Variants in PGM1 observed in about 807,000 individuals in gnomAD.
The protein encoded by PGM1 is phosphoglucomutase-1.
In PGM1, 52 loss-of-function variants were observed where a neutral mutation model predicts 55.6. The ratio of observed to expected loss-of-function variants is 0.94; its 90% CI spans 0.75 to 1.18. The LOEUF (loss-of-function observed/expected upper bound fraction) is 1.18. Among genes scored for constraint, PGM1 ranks in the 50% most tolerant of loss-of-function variants. The probability of loss-of-function intolerance (pLI) is 0.00; values close to 1 mark genes in which losing one functional copy is unlikely to be tolerated. For missense variants in PGM1, 724 were observed against 729.3 expected (o/e 0.99, Z 0.08); for synonymous variants, 287 against 271.7 (o/e 1.06, Z -0.55).
chr1:63,652,731 G>T (rs187003178), intron 9 of PGM1, among the ~76,000 whole-genome samples: 54 of 152,302 alleles, frequency 3.5e-4, no homozygotes, highest in African/African-American at 1.3e-3. Context: ...GGGCCGGGCC[G>T]TGGGATTTAC....
chr1:63,607,652 G>C (rs1017062822), intron 1 of PGM1, among the ~76,000 whole-genome samples: 3 of 152,178 alleles, frequency 2.0e-5, no homozygotes, highest in Non-Finnish European at 4.4e-5. Context: ...TTTCGTGAGG[G>C]TAAGCAATCA....
Position 63,647,292 on chromosome 1 carries a change from A to G in PGM1, c.1145-1225A>G, listed in dbSNP as rs866256520. On this transcript the variant is annotated intron_variant, in intron 7 of 10. Transcript: ENST00000371084. The stretch of plus-strand genomic sequence containing the variant: ...TATATATATATATATATATATATAT[A>G]TATATATATATATATAGTATTAAAC... Among the ~76,000 whole-genome samples, 52 of 75,500 alleles carry G rather than the reference A, an allele frequency of 6.9e-4. 5 individuals carry two copies. In the South Asian group the frequency reaches 0.016, roughly 23 times the overall value. The allele number at this position is 75,500 out of a possible 152,430, so 49.5% of individuals were successfully genotyped here.
At chr1:63,647,275 T>TAC (rs1649677334) in intron 7 of PGM1, among the ~76,000 whole-genome samples, 1 of 46,314 alleles carries the variant, frequency 2.2e-5, no homozygotes, top group African/African-American at 2.1e-4. Flanking sequence ...TATATATATA[T>TAC]ATATATATAT....
intron 1 of PGM1, among the ~76,000 whole-genome samples, chr1:63,625,069 A>AT (rs1273679961): frequency 6.6e-6 from 1 of 152,216 alleles, no homozygotes; most frequent in Non-Finnish European, 1.5e-5. Flanking sequence ...GAGGGAACGA[A>AT]TGGAACATTA....
intron 10 of PGM1, among the ~76,000 whole-genome samples, chr1:63,655,442 A>G (rs1649936105): frequency 6.6e-6 from 1 of 152,202 alleles, no homozygotes. Context: ...TTCACAGAAC[A>G]GTCTGCAGAC....
intron 10 of PGM1, chr1:63,655,691 A>G (rs1649944730): frequency 6.6e-6 from 1 of 152,282 alleles, no homozygotes. Context: ...GTGTTGTGGT[A>G]TATTAGCCCC....
At chr1:63,653,365 C>T (rs1238148029) in intron 9 of PGM1, among the ~76,000 whole-genome samples, 4 of 152,120 alleles carry the variant, frequency 2.6e-5, no homozygotes, top group African/African-American at 9.7e-5. Flanking sequence ...GAAAATGGAC[C>T]GTATCCTTCC....
intron 1 of PGM1, among the ~76,000 whole-genome samples, chr1:63,619,868 A>G (rs1648837969): frequency 6.6e-6 from 1 of 152,190 alleles, no homozygotes; most frequent in Non-Finnish European, 1.5e-5. Context: ...CCCACTCAGA[A>G]TGTGAGAAAA....
intron 9 of PGM1, among the ~76,000 whole-genome samples, chr1:63,653,500 A>G (rs1162260872): frequency 3.3e-5 from 5 of 152,168 alleles, no homozygotes; most frequent in Admixed American, 6.5e-5. Context: ...GAAGAGCAGC[A>G]TCTTTTTGGT....
intron 1 of PGM1, among the ~76,000 whole-genome samples, chr1:63,611,732 G>C (rs1648571628): frequency 6.6e-6 from 1 of 152,108 alleles, no homozygotes; most frequent in Non-Finnish European, 1.5e-5. Context: ...GTGAAACCCT[G>C]TCTTTACTAA....
In PGM1 at chr1:63,596,314, A is replaced by T. The variant is rs147737523; in HGVS notation, c.246+2580A>T. Among the ~76,000 whole-genome samples the T allele has an allele frequency of 7.0e-3, 921 of 130,900 alleles. 9 individuals carry two copies. The highest frequency in any genetic ancestry group is 0.026 in the African/African-American group (864 of 33,644). 85.9% of individuals were successfully genotyped at this position (130,900 alleles called of 152,430 possible). On this transcript the variant is annotated intron_variant, in intron 1 of 10. Transcript: ENST00000371084. ...TACTCTGTCGCCTAGGCTGGAGTGC[A>T]GTGGCGCAATCAGCTCACTGCAACC... is the stretch of plus-strand genomic sequence containing the variant.
chr1:63,633,753 C>T (rs112793310), intron 4 of PGM1, among the ~76,000 whole-genome samples: 2,607 of 150,588 alleles, frequency 0.017, 73 homozygotes, highest in African/African-American at 0.06. Context: ...CTGTAACCTC[C>T]GCCTCCGAAG....
At position 63,651,827 on chromosome 1, in the gene PGM1, T is replaced by C; in HGVS notation, c.1439T>C (p.Val480Ala). ...GATAACTTTGAATACAGCGACCCAG[T>C]GGATGGAAGCATTTCAAGAAATCAG... is the stretch of plus-strand genomic sequence containing the variant. ...KADNFEYSDP[V>A]DGSISRNQGL... is the part of the protein sequence containing the mutation. Residue 480 changes from valine (V) to alanine (A), a missense_variant, in exon 9 of 11, where the codon GTG becomes GCG. Physicochemically the swap from Val to Ala is moderately conservative, Grantham distance 64. Transcript: ENST00000371084. The C allele has an allele frequency of 6.2e-7, 1 of 1,613,984 alleles. No homozygotes were observed. The highest frequency in any genetic ancestry group is 8.5e-7 in the Non-Finnish European group (1 of 1,179,950).
chr1:63,599,004 A>G (rs537641793), intron 1 of PGM1, among the ~76,000 whole-genome samples: 4 of 152,344 alleles, frequency 2.6e-5, no homozygotes, highest in East Asian at 1.9e-4. Context: ...GTTTCTGGCT[A>G]TAGCAGTTCA....
At chr1:63,646,568 C>T (rs1017784200) in intron 7 of PGM1, among the ~76,000 whole-genome samples, 1 of 152,038 alleles carries the variant, frequency 6.6e-6, no homozygotes, top group African/African-American at 2.4e-5. Flanking sequence ...TGAGTAGGTC[C>T]AATTTGAAGG....
At chr1:63,597,138 CTT>C (rs1338351364) in intron 1 of PGM1, among the ~76,000 whole-genome samples, 4 of 152,002 alleles carry the variant, frequency 2.6e-5, no homozygotes, top group African/African-American at 9.7e-5. Flanking sequence ...GTGCAGGTGT[CTT>C]TAACCTGAGG....
intron 1 of PGM1, among the ~76,000 whole-genome samples, chr1:63,596,411 C>G (rs1337040440): frequency 2.6e-5 from 4 of 151,894 alleles, no homozygotes; most frequent in Non-Finnish European, 5.9e-5. Context: ...CATGCACCAC[C>G]ACACCTGGCT....
At chr1:63,631,865 GC>G in intron 4 of PGM1, 83 bp downstream of exon 4, 2 of 1,323,688 alleles carry the variant, frequency 1.5e-6, no homozygotes, top group Non-Finnish European at 2.2e-6. Flanking sequence ...GCTTCAACAA[GC>G]CTTTTCTCAA....
At chr1:63,642,991 A>G (rs1283045355) in intron 7 of PGM1, among the ~76,000 whole-genome samples, 2 of 152,172 alleles carry the variant, frequency 1.3e-5, no homozygotes, top group East Asian at 3.9e-4. Flanking sequence ...GTGCAAAGCA[A>G]TAGAAGGTGA....
Sources: allele counts gnomAD v4.1 joint callset (sites outside exome capture counted in the v4.1 genomes callset), GRCh38; gene constraint gnomAD v4.1.1; transcripts MANE v1.5; gene names NCBI Gene and HGNC (gene_info 2026-07-23, HGNC 2026-07-21).